The following NLGN1 variants were observed in gnomAD, a reference collection of about 807,000 sequenced individuals.
NLGN1 encodes neuroligin 1.
A neutral mutation model predicts 65.5 loss-of-function variants in NLGN1; 12 were observed. That is an observed-to-expected ratio of 0.18 (90% CI 0.12 to 0.30). The LOEUF is 0.30. NLGN1 is among the 10% of genes least tolerant of loss of function. The probability of loss-of-function intolerance (pLI) is 1.00; values close to 1 mark genes in which losing one functional copy is unlikely to be tolerated. For missense variants in NLGN1, 750 were observed against 1,007.1 expected (o/e 0.74, Z 3.46); for synonymous variants, 350 against 359.5 (o/e 0.97, Z 0.30).
chr3:173,612,761 G>A (rs534953097), intron 3 of NLGN1, among the ~76,000 whole-genome samples: 35 of 152,210 alleles, frequency 2.3e-4, no homozygotes, highest in African/African-American at 7.9e-4. Context: ...AGCGTAAACA[G>A]CAGAATTGTT....
intron 4 of NLGN1, among the ~76,000 whole-genome samples, chr3:173,913,730 G>C (rs1042649888): frequency 2.0e-5 from 3 of 152,146 alleles, no homozygotes; most frequent in African/African-American, 7.2e-5. Flanking sequence ...AAAAGTGCTT[G>C]ATTCTTTATT....
intron 3 of NLGN1, among the ~76,000 whole-genome samples, chr3:173,679,578 C>G (rs1037832281): frequency 6.6e-6 from 1 of 152,012 alleles, no homozygotes; most frequent in African/African-American, 2.4e-5. Context: ...GTAGACTATA[C>G]GCCAAGAGCT....
chr3:173,901,514 C>A lies in NLGN1; in HGVS notation c.646+93682C>A, dbSNP rs575618213. ...TGTTAGCTGCCACTAAAGAGTATTT[C>A]TTATTTTGCTTATTCAGGGTATGCA... On this transcript the variant is annotated intron_variant, in intron 4 of 6. Coordinates refer to ENST00000457714, the Ensembl canonical transcript of NLGN1. Among the ~76,000 whole-genome samples the A allele has an allele frequency of 3.3e-5, 5 of 151,762 alleles. No individual in the cohort carries two copies. The South Asian group carries it at 6.2e-4, about 19-fold the overall frequency.
intron 2 of NLGN1, among the ~76,000 whole-genome samples, chr3:173,484,893 G>C (rs1413478697): frequency 6.6e-6 from 1 of 151,930 alleles, no homozygotes; most frequent in South Asian, 2.1e-4. Flanking sequence ...CTCAGTTTCT[G>C]TGTTTTTCTA....
intron 4 of NLGN1, among the ~76,000 whole-genome samples, chr3:174,042,137 A>T (rs1336353374): frequency 6.6e-6 from 1 of 152,060 alleles, no homozygotes; most frequent in African/African-American, 2.4e-5. Flanking sequence ...TCTTTATCAG[A>T]TATATGTTTC....
chr3:174,119,187 C>A (rs1387272882), intron 4 of NLGN1, among the ~76,000 whole-genome samples: 2 of 152,050 alleles, frequency 1.3e-5, no homozygotes, highest in Non-Finnish European at 2.9e-5. Context: ...GCACATCATC[C>A]CATGATTCAT....
intron 4 of NLGN1, among the ~76,000 whole-genome samples, chr3:173,975,997 T>C (rs2152383489): frequency 6.6e-6 from 1 of 152,146 alleles, no homozygotes; most frequent in Admixed American, 6.6e-5. Context: ...TAACTGACTA[T>C]TTATCTACTA....
intron 3 of NLGN1, among the ~76,000 whole-genome samples, chr3:173,694,851 T>C (rs1315650332): frequency 6.6e-6 from 1 of 152,124 alleles, no homozygotes; most frequent in Non-Finnish European, 1.5e-5. Flanking sequence ...GCAAACAATA[T>C]TAGCAGAAAA....
chr3:174,023,003 GA>G (rs998090744), intron 4 of NLGN1, among the ~76,000 whole-genome samples: 8 of 151,986 alleles, frequency 5.3e-5, no homozygotes, highest in Non-Finnish European at 4.4e-5. Flanking sequence ...TACTTAAACA[GA>G]AAAAATACCT....
chr3:173,824,281 C>T (rs1286164902), intron 4 of NLGN1, among the ~76,000 whole-genome samples: 2 of 152,082 alleles, frequency 1.3e-5, no homozygotes, highest in South Asian at 4.1e-4. Context: ...AAAATGTCAG[C>T]TTTGCCATTT....
chr3:174,024,253 C>T (rs1303915090), intron 4 of NLGN1, among the ~76,000 whole-genome samples: 1 of 150,838 alleles, frequency 6.6e-6, no homozygotes, highest in African/African-American at 2.4e-5. Context: ...AAAGGGATTT[C>T]ATGATTCCTA....
intron 4 of NLGN1, among the ~76,000 whole-genome samples, chr3:173,834,931 G>A (rs993899596): frequency 2.6e-5 from 4 of 152,150 alleles, no homozygotes; most frequent in African/African-American, 4.8e-5. Flanking sequence ...TAATCTCTAC[G>A]CTTTTCATCA....
At chr3:174,095,236 A>G (rs1745253081) in intron 4 of NLGN1, among the ~76,000 whole-genome samples, 1 of 149,888 alleles carries the variant, frequency 6.7e-6, no homozygotes, top group Non-Finnish European at 1.5e-5. Flanking sequence ...AAAAAAAAAA[A>G]CCATAAAGTT....
Position 173,725,498 on chromosome 3 carries a change from T to A in NLGN1, c.494-82182T>A, listed in dbSNP as rs79777138. Among the ~76,000 whole-genome samples, 247 of 152,346 alleles carry A rather than the reference T, an allele frequency of 1.6e-3. 2 individuals carry two copies. Among genetic ancestry groups the A allele is most frequent in the African/African-American group, 5.7e-3 (237 of 41,584 alleles). On this transcript the variant is annotated intron_variant, in intron 3 of 6. Transcript: ENST00000457714. ...ATGCTCAACAAATGTTAGTTTGTAT[T>A]ATTAAAGGGGGATCCCTTCCCCCCA...
At chr3:173,543,143 T>G (rs1342205652) in intron 2 of NLGN1, among the ~76,000 whole-genome samples, 1 of 152,134 alleles carries the variant, frequency 6.6e-6, no homozygotes. Context: ...ATTATTGAAT[T>G]TTTTCTTGTA....
At chr3:173,970,670 A>G (rs1286407759) in intron 4 of NLGN1, among the ~76,000 whole-genome samples, 2 of 152,182 alleles carry the variant, frequency 1.3e-5, no homozygotes, top group East Asian at 1.9e-4. Flanking sequence ...GGAGCTGCCT[A>G]AATCTGAGCT....
chr3:174,046,761 T>C (rs1224496805), intron 4 of NLGN1, among the ~76,000 whole-genome samples: 2 of 152,080 alleles, frequency 1.3e-5, no homozygotes, highest in African/African-American at 4.8e-5. Context: ...AGCTAAGTAA[T>C]GTATATTTGT....
chr3:174,267,884 T>C (rs1748580296), intron 4 of NLGN1, among the ~76,000 whole-genome samples: 1 of 151,972 alleles, frequency 6.6e-6, no homozygotes, highest in Admixed American at 6.6e-5. Flanking sequence ...GAGCTTCTAG[T>C]CCAGAAAAAA....
At chr3:173,468,155 A>G (rs1724691889) in intron 2 of NLGN1, among the ~76,000 whole-genome samples, 1 of 152,020 alleles carries the variant, frequency 6.6e-6, no homozygotes, top group South Asian at 2.1e-4. Context: ...TACTCTCTTC[A>G]GCACTTGATA....
Sources: allele counts gnomAD v4.1 joint callset (sites outside exome capture counted in the v4.1 genomes callset), GRCh38; gene constraint gnomAD v4.1.1; transcripts MANE v1.5; gene names NCBI Gene and HGNC (gene_info 2026-07-23, HGNC 2026-07-21).